IGSF5: variants seen among roughly 807,000 people sequenced by gnomAD.
The protein encoded by IGSF5 is immunoglobulin superfamily member 5.
Under a neutral mutation model 39.4 loss-of-function variants are expected in IGSF5, and 41 were observed. The ratio of observed to expected loss-of-function variants is 1.04; its 90% CI spans 0.81 to 1.35. IGSF5 has a LOEUF of 1.35. IGSF5 is among the 40% of genes most tolerant of loss of function. The pLI is 0.00. For synonymous variants in IGSF5, 183 were observed against 175.3 expected, an observed-to-expected ratio of 1.04 and a Z score of -0.34; for missense variants, 487 against 494.6, an observed-to-expected ratio of 0.98 and a Z score of 0.15.
the IGSF5 span, among the ~76,000 whole-genome samples, chr21:39,722,124 A>C: frequency 1.3e-4 from 20 of 152,148 alleles, no homozygotes; most frequent in Non-Finnish European, 2.5e-4. Context: ...TCTGATATAG[A>C]TCAGTTGTAA....
chr21:39,721,419 G>C, the IGSF5 span, among the ~76,000 whole-genome samples: 5 of 152,178 alleles, frequency 3.3e-5, no homozygotes, highest in East Asian at 9.6e-4. Context: ...CCAAGAAGGG[G>C]TGCTGGAACT....
At chr21:39,738,637 A>G in the IGSF5 span, among the ~76,000 whole-genome samples, 1 of 152,190 alleles carries the variant, frequency 6.6e-6, no homozygotes, top group Non-Finnish European at 1.5e-5. The surrounding 1 kb of genome is among the most constrained non-coding windows in gnomAD (Gnocchi z 6.4). Flanking sequence ...GCAAAGGGCA[A>G]TACACTGCGG....
Position 39,745,476 on chromosome 21 carries a change from C to CT in IGSF5, c.-31dup. 1 of 714,172 alleles carries CT rather than the reference C, an allele frequency of 1.4e-6. No individual in the cohort carries two copies. The highest frequency in any genetic ancestry group is 1.5e-5 in the South Asian group (1 of 67,556). The allele number at this position is 714,172 out of a possible 1,614,324, so 44.2% of individuals were successfully genotyped here. A position where few individuals can be genotyped will look rare whatever the true frequency, so the allele number is the denominator to read the frequency against. ...AGGTAAGGAGAATTTTGGGGCTATACTTTCAAGAAAGTCGTGTTCGGGACC... is the reference window on the plus strand; with the variant it reads ...AGGTAAGGAGAATTTTGGGGCTATACTTTTCAAGAAAGTCGTGTTCGGGACC... On this transcript the variant is annotated 5_prime_UTR_variant, in exon 1 of 9. Transcript: ENST00000380588.
chr21:39,765,825 C>T lies in IGSF5; in HGVS notation c.391C>T (p.His131Tyr). 6.2e-7 allele frequency: 1 copy of T among 1,613,538 alleles called. No individual in the cohort carries two copies. Among genetic ancestry groups the T allele is most frequent in the Non-Finnish European group, 8.5e-7 (1 of 1,179,606 alleles). ...ATGCAGCCTCCAGAACAGTCGCCTG[C>T]ATGGATCTGCTTACCTTACCGTCCA... ...IRCSLQNSRL[H>Y]GSAYLTVQVM... is the part of the protein sequence containing the mutation. Residue 131 changes from histidine to tyrosine, a missense_variant, in exon 3 of 9, where the codon CAT becomes TAT. By Grantham distance (83) the His-to-Tyr change is moderately conservative. Transcript: ENST00000380588.
chr21:39,772,218 G>A (rs1483150953), intron 4 of IGSF5, among the ~76,000 whole-genome samples: 1 of 152,152 alleles, frequency 6.6e-6, no homozygotes, highest in Non-Finnish European at 1.5e-5. Flanking sequence ...TATTGTAAAG[G>A]CAAGGTGACC....
At chr21:39,766,900 G>A (rs1158326194) in intron 3 of IGSF5, among the ~76,000 whole-genome samples, 3 of 152,006 alleles carry the variant, frequency 2.0e-5, no homozygotes, top group Non-Finnish European at 2.9e-5. Context: ...TCATATTTAT[G>A]TTGCTATTAA....
At chr21:39,778,511 C>T (rs2080152466) in intron 4 of IGSF5, among the ~76,000 whole-genome samples, 1 of 152,152 alleles carries the variant, frequency 6.6e-6, no homozygotes, top group Non-Finnish European at 1.5e-5. Context: ...AAGGTGTCTC[C>T]TGAAAAGCTA....
chr21:39,712,287 A>C, the IGSF5 span, among the ~76,000 whole-genome samples: 5 of 152,200 alleles, frequency 3.3e-5, no homozygotes, highest in African/African-American at 4.8e-5. Context: ...TGGTGAACCC[A>C]TGCTCACTTG....
chr21:39,724,599 C>T, the IGSF5 span, among the ~76,000 whole-genome samples: 11 of 152,336 alleles, frequency 7.2e-5, no homozygotes, highest in South Asian at 2.1e-4. Flanking sequence ...CCTTGCCTTC[C>T]GCCATGACTG....
intron 2 of IGSF5, among the ~76,000 whole-genome samples, chr21:39,755,278 A>C (rs1270625504): frequency 6.6e-6 from 1 of 152,128 alleles, no homozygotes; most frequent in Non-Finnish European, 1.5e-5. Context: ...AGTTGTGTTA[A>C]TCGAACCTTA....
At chr21:39,716,751 A>G in the IGSF5 span, among the ~76,000 whole-genome samples, 1 of 152,280 alleles carries the variant, frequency 6.6e-6, no homozygotes, top group South Asian at 2.1e-4. Flanking sequence ...TCTGTCACTG[A>G]TGGGCATTTA....
rs113045022 is a variant in IGSF5 at position 39,784,299 on chromosome 21, A to C, written c.935-3868A>C. 4.4e-3 allele frequency among the ~76,000 whole-genome samples: 676 copies of C among 152,330 alleles called. 4 individuals carry two copies. Among genetic ancestry groups the C allele is most frequent in the African/African-American group, 0.015 (639 of 41,570 alleles). ...ACTACAGATTGTTCAGTACCTTCAGAACATTATTTCTAACATGAGCTATGT... is the reference window on the plus strand; with the variant it reads ...ACTACAGATTGTTCAGTACCTTCAGCACATTATTTCTAACATGAGCTATGT... On this transcript the variant is annotated intron_variant, in intron 5 of 8. Coordinates refer to ENST00000380588, the MANE Select transcript of IGSF5 (RefSeq NM_001080444.2).
At chr21:39,736,040 AC>A in the IGSF5 span, among the ~76,000 whole-genome samples, 24,364 of 151,924 alleles carry the variant, frequency 0.16, 2,817 homozygotes, top group East Asian at 0.46. Context: ...GTCTAAGACC[AC>A]CCCTCACTCT....
intron 4 of IGSF5, among the ~76,000 whole-genome samples, chr21:39,773,922 T>C (rs1404846381): frequency 1.3e-5 from 2 of 152,202 alleles, no homozygotes; most frequent in East Asian, 3.8e-4. Flanking sequence ...TTTTAGAGAC[T>C]GGCTTGCTTG....
chr21:39,715,303 G>C, the IGSF5 span, among the ~76,000 whole-genome samples: 2 of 152,034 alleles, frequency 1.3e-5, no homozygotes, highest in African/African-American at 2.4e-5. Flanking sequence ...ATTTTTAGTA[G>C]AGATGGGGTT....
chr21:39,726,357 G>T, the IGSF5 span, among the ~76,000 whole-genome samples: 2 of 152,192 alleles, frequency 1.3e-5, no homozygotes, highest in African/African-American at 4.8e-5. Context: ...TTGGAAGATT[G>T]GAGTCTACAA....
In IGSF5 at chr21:39,746,236, C is replaced by A; in HGVS notation, c.38C>A (p.Pro13Gln). Residue 13 changes from proline (P) to glutamine (Q), a missense_variant, in exon 2 of 9, where the codon CCG becomes CAG. Transcript: ENST00000380588. ...QKERSTADTL[P>Q]DLEEWKSAAG... ...ATCAGGAGCACAGCAGATACTCTGC[C>A]GGATCTGGAGGAATGGAAGTCAGCG... 1 of 701,858 alleles carries A rather than the reference C, an allele frequency of 1.4e-6. No individual in the cohort carries two copies. The highest frequency in any genetic ancestry group is 2.6e-6 in the Non-Finnish European group (1 of 384,788). 43.5% of individuals were successfully genotyped at this position (701,858 alleles called of 1,614,324 possible).
intron 4 of IGSF5, among the ~76,000 whole-genome samples, chr21:39,773,842 G>C (rs1056434207): frequency 6.6e-6 from 1 of 152,218 alleles, no homozygotes; most frequent in Non-Finnish European, 1.5e-5. Context: ...ACTGGTTAAA[G>C]CATATATCTT....
chr21:39,800,147 A>G (rs1008202016), intron 8 of IGSF5, among the ~76,000 whole-genome samples: 1 of 152,240 alleles, frequency 6.6e-6, no homozygotes, highest in African/African-American at 2.4e-5. Flanking sequence ...TTATTTCAAT[A>G]TGAAGCCAGG....
Sources: allele counts gnomAD v4.1 joint callset (sites outside exome capture counted in the v4.1 genomes callset), GRCh38; gene constraint gnomAD v4.1.1; non-coding constraint Gnocchi (gnomAD v3.1); transcripts MANE v1.5; gene names NCBI Gene and HGNC (gene_info 2026-07-23, HGNC 2026-07-21).